ABLIM3: variants seen among roughly 807,000 people sequenced by gnomAD.
ABLIM3 encodes the protein actin-binding LIM protein 3.
In ABLIM3, 61 loss-of-function variants were observed where a neutral mutation model predicts 109.5. The ratio of observed to expected loss-of-function variants is 0.56; its 90% CI spans 0.45 to 0.69. The LOEUF (loss-of-function observed/expected upper bound fraction) is 0.69, where lower values mean the gene tolerates loss of function less well. ABLIM3 is among the 30% of genes least tolerant of loss of function. ABLIM3 has a pLI of 0.00. For synonymous variants in ABLIM3, 300 were observed against 324.8 expected (o/e 0.92, Z 0.82); for missense variants, 796 against 889.5 (o/e 0.89, Z 1.34).
intron 14 of ABLIM3, 56 bp from the exon 15 acceptor site, chr5:149,242,435 T>C (rs1752945361): frequency 6.4e-7 from 1 of 1,568,684 alleles, no homozygotes; most frequent in Non-Finnish European, 8.8e-7. Flanking sequence ...TTTTCTCCCT[T>C]TTCTCCTGTC....
chr5:149,249,287 C>T (rs1030652128), intron 18 of ABLIM3, among the ~76,000 whole-genome samples: 6 of 152,214 alleles, frequency 3.9e-5, no homozygotes, highest in African/African-American at 1.2e-4. Flanking sequence ...GTTATAGATG[C>T]GTCAGGCACT....
intron 5 of ABLIM3, among the ~76,000 whole-genome samples, chr5:149,203,837 T>C (rs1758717540): frequency 6.6e-6 from 1 of 152,232 alleles, no homozygotes; most frequent in African/African-American, 2.4e-5. Flanking sequence ...ATACAGATAT[T>C]TCATTTAATC....
chr5:149,255,532 G>A (rs1394310245), intron 23 of ABLIM3, among the ~76,000 whole-genome samples: 1 of 152,212 alleles, frequency 6.6e-6, no homozygotes, highest in Admixed American at 6.5e-5. Flanking sequence ...GAGAGGAAGA[G>A]GTGAGTTGCA....
intron 6 of ABLIM3, among the ~76,000 whole-genome samples, chr5:149,208,350 G>GTC (rs10564662): frequency 0.035 from 4,611 of 132,248 alleles, 100 homozygotes; most frequent in African/African-American, 0.081. Context: ...CTATCTTTTT[G>GTC]TCTCTCTCTC....
intron 20 of ABLIM3, 134 bp from the exon 21 acceptor site, chr5:149,251,225 T>A (rs1216040458): frequency 1.1e-6 from 1 of 904,426 alleles, no homozygotes; most frequent in African/African-American, 1.6e-5. Context: ...TAAGTTTCCC[T>A]AACTTGAGAC....
intron 3 of ABLIM3, among the ~76,000 whole-genome samples, chr5:149,191,750 G>T (rs1757492727): frequency 6.6e-6 from 1 of 152,038 alleles, no homozygotes; most frequent in Non-Finnish European, 1.5e-5. Flanking sequence ...TTAGAAAACT[G>T]GTTAATGTAT....
At position 149,142,018 on chromosome 5, in the gene ABLIM3, G is replaced by T. The variant is rs1359108969; in HGVS notation, c.-78G>T. 2 of 1,609,514 alleles carry T rather than the reference G, an allele frequency of 1.2e-6. No individual in the cohort carries two copies. The highest frequency in any genetic ancestry group is 1.7e-6 in the Non-Finnish European group (2 of 1,175,904). ...CCTTTTCACCCCCCAGGTGATGAGT[G>T]AGGTTCGAAGAACGGAAGATTTAAA... is the stretch of plus-strand genomic sequence containing the variant. On this transcript the variant is annotated 5_prime_UTR_variant, in exon 2 of 24. An upstream open reading frame in the 5' UTR loses its in-frame stop. Coordinates refer to ENST00000309868, the MANE Select transcript of ABLIM3 (RefSeq NM_014945.5).
At chr5:149,199,264 C>A (rs190664923) in intron 4 of ABLIM3, 3 of 348,330 alleles carry the variant, frequency 8.6e-6, no homozygotes, top group Non-Finnish European at 1.7e-5. Context: ...AGAGTATATA[C>A]GTATTTTTTA....
intron 8 of ABLIM3, chr5:149,219,904 G>C (rs1319435176): frequency 6.6e-6 from 1 of 152,136 alleles, no homozygotes; most frequent in African/African-American, 2.4e-5. Flanking sequence ...TTGCCTCCCT[G>C]CCTGAATTCC....
At chr5:149,216,078 C>T (rs1760049310) in intron 7 of ABLIM3, among the ~76,000 whole-genome samples, 1 of 152,104 alleles carries the variant, frequency 6.6e-6, no homozygotes, top group Non-Finnish European at 1.5e-5. Flanking sequence ...GGGTGAGCTG[C>T]GGTAGGGCTG....
intron 5 of ABLIM3, among the ~76,000 whole-genome samples, chr5:149,202,954 C>T (rs1758622084): frequency 6.6e-6 from 1 of 151,932 alleles, no homozygotes; most frequent in South Asian, 2.1e-4. Flanking sequence ...CAGCAGCAGT[C>T]TCAGCAGCAG....
intron 7 of ABLIM3, among the ~76,000 whole-genome samples, chr5:149,214,539 A>C (rs1211165157): frequency 1.3e-5 from 2 of 152,178 alleles, no homozygotes. Flanking sequence ...GGTCAGCACT[A>C]CTTAACCCTG....
intron 3 of ABLIM3, among the ~76,000 whole-genome samples, chr5:149,185,161 T>G (rs901349909): frequency 2.0e-5 from 3 of 152,190 alleles, no homozygotes; most frequent in African/African-American, 7.2e-5. Context: ...AACCAATCGT[T>G]TATTTAGTTC....
chr5:149,231,435 G>T (rs1260631248), intron 9 of ABLIM3, among the ~76,000 whole-genome samples: 1 of 152,142 alleles, frequency 6.6e-6, no homozygotes, highest in East Asian at 1.9e-4. Flanking sequence ...GATGGGGAAT[G>T]GGGCCTTTAC....
intron 8 of ABLIM3, among the ~76,000 whole-genome samples, chr5:149,222,661 C>CTTTTTTTT (rs552243427): frequency 8.0e-6 from 1 of 124,406 alleles, no homozygotes. Flanking sequence ...TTTCAGATTA[C>CTTTTTTTT]TTTTTTTTTT....
chr5:149,186,370 C>T (rs9654504), intron 3 of ABLIM3, among the ~76,000 whole-genome samples: 3,684 of 151,934 alleles, frequency 0.024, 147 homozygotes, highest in African/African-American at 0.084. Flanking sequence ...GTCAAGATCA[C>T]GCCACTGCAC....
intron 22 of ABLIM3, 165 bp from the exon 23 acceptor site, chr5:149,252,592 C>G: frequency 3.2e-6 from 2 of 626,002 alleles, no homozygotes; most frequent in South Asian, 3.9e-5. Flanking sequence ...GAGAAGGTAT[C>G]TTAAGACTGC....
intron 14 of ABLIM3, among the ~76,000 whole-genome samples, chr5:149,242,230 A>C (rs1752925019): frequency 6.6e-6 from 1 of 151,992 alleles, no homozygotes; most frequent in South Asian, 2.1e-4. Context: ...CTCACCCTTC[A>C]AGCCCCAGGT....
At chr5:149,148,543 CCTA>C (rs1282650122) in intron 2 of ABLIM3, among the ~76,000 whole-genome samples, 3 of 152,226 alleles carry the variant, frequency 2.0e-5, no homozygotes, top group Non-Finnish European at 2.9e-5. Context: ...TGTCTCCTGA[CCTA>C]CTGAGGCAGC....
Sources: gnomAD v4.1 joint callset for allele counts (sites outside exome capture counted in the v4.1 genomes callset) on GRCh38, gnomAD v4.1.1 for gene constraint, MANE v1.5 for transcripts, NCBI Gene and HGNC (gene_info 2026-07-23, HGNC 2026-07-21) for gene names.